SKAP1: variants seen among roughly 807,000 people sequenced by gnomAD.
SKAP1 encodes src kinase-associated phosphoprotein 1.
Under a neutral mutation model 58.5 loss-of-function variants are expected in SKAP1, and 44 were observed. That is an observed-to-expected ratio of 0.75 (90% CI 0.59 to 0.97). SKAP1 has a LOEUF of 0.97. Ranked by LOEUF, SKAP1 falls within the 50% of genes least tolerant of loss-of-function variation. The pLI is 0.00. For missense variants in SKAP1, 390 were observed against 435.2 expected (o/e 0.90, Z 0.92); for synonymous variants, 127 against 149.7 (o/e 0.85, Z 1.11).
intron 4 of SKAP1, among the ~76,000 whole-genome samples, chr17:48,205,780 G>T (rs1337755402): frequency 6.6e-6 from 1 of 152,200 alleles, no homozygotes; most frequent in Non-Finnish European, 1.5e-5. Flanking sequence ...AAGGGAAAAT[G>T]ATTTCCATTA....
At chr17:48,147,189 AAC>A (rs2143101681) in intron 11 of SKAP1, among the ~76,000 whole-genome samples, 1 of 152,310 alleles carries the variant, frequency 6.6e-6, no homozygotes, top group African/African-American at 2.4e-5. Context: ...TCTTCAAGAG[AAC>A]AGTCTATCAG....
intron 9 of SKAP1, among the ~76,000 whole-genome samples, chr17:48,173,292 T>C (rs568539424): frequency 3.9e-5 from 6 of 152,156 alleles, no homozygotes; most frequent in Non-Finnish European, 2.9e-5. Flanking sequence ...CTTATAGCCA[T>C]GTATGATCTA....
intron 3 of SKAP1, among the ~76,000 whole-genome samples, chr17:48,351,577 T>C (rs1414147427): frequency 1.3e-5 from 2 of 152,188 alleles, no homozygotes; most frequent in South Asian, 2.1e-4. Context: ...AAAGTTTCCA[T>C]TTATCATTCT....
At chr17:48,194,727 C>T (rs989594749) in intron 4 of SKAP1, among the ~76,000 whole-genome samples, 1 of 152,204 alleles carries the variant, frequency 6.6e-6, no homozygotes, top group Non-Finnish European at 1.5e-5. Context: ...AATCGTCCCC[C>T]TGTTAAGTTA....
At chr17:48,260,637 G>T (rs923216440) in intron 4 of SKAP1, among the ~76,000 whole-genome samples, 3 of 152,108 alleles carry the variant, frequency 2.0e-5, no homozygotes, top group African/African-American at 7.2e-5. Context: ...AGGGGTGTGT[G>T]TGTGTATCAA....
chr17:48,163,394 C>T (rs1280388142), intron 10 of SKAP1, among the ~76,000 whole-genome samples: 2 of 152,116 alleles, frequency 1.3e-5, no homozygotes, highest in South Asian at 2.1e-4. Flanking sequence ...GGACAGCCAT[C>T]GATTCTTAAC....
intron 4 of SKAP1, among the ~76,000 whole-genome samples, chr17:48,296,853 A>T (rs534668489): frequency 1.1e-4 from 16 of 152,244 alleles, no homozygotes; most frequent in Middle Eastern, 6.8e-3. Flanking sequence ...TTAGGAAAAA[A>T]AAAAGCACTA....
chr17:48,159,517 T>C (rs1008079309), intron 11 of SKAP1, among the ~76,000 whole-genome samples: 4 of 152,200 alleles, frequency 2.6e-5, no homozygotes, highest in African/African-American at 9.6e-5. Flanking sequence ...TTTCCGGGAC[T>C]AAATTCAACT....
chr17:48,264,611 C>T (rs907374384), intron 4 of SKAP1, among the ~76,000 whole-genome samples: 29 of 152,020 alleles, frequency 1.9e-4, no homozygotes, highest in Admixed American at 3.9e-4. Context: ...AGATACTGAA[C>T]TTTGCCAGGA....
At chr17:48,177,793 A>C (rs923234470) in intron 9 of SKAP1, among the ~76,000 whole-genome samples, 1 of 152,090 alleles carries the variant, frequency 6.6e-6, no homozygotes, top group Non-Finnish European at 1.5e-5. Context: ...CCCACCTCCA[A>C]CTCTGACTCT....
intron 4 of SKAP1, among the ~76,000 whole-genome samples, chr17:48,219,987 A>G (rs1160927883): frequency 2.6e-5 from 4 of 152,240 alleles, no homozygotes; most frequent in African/African-American, 7.2e-5. Context: ...GTTTATTTCA[A>G]TTGAAGAAAC....
intron 4 of SKAP1, among the ~76,000 whole-genome samples, chr17:48,344,440 C>G (rs1244591574): frequency 6.6e-6 from 1 of 152,068 alleles, no homozygotes; most frequent in Admixed American, 6.6e-5. Flanking sequence ...ACTTAGAGGC[C>G]TTTCTGGATT....
At chr17:48,312,967 T>G (rs2066240900) in intron 4 of SKAP1, among the ~76,000 whole-genome samples, 1 of 151,664 alleles carries the variant, frequency 6.6e-6, no homozygotes, top group African/African-American at 2.4e-5. Flanking sequence ...ATACCAGAGG[T>G]TTTCTTTCTG....
At chr17:48,278,585 G>T (rs1299551582) in intron 4 of SKAP1, among the ~76,000 whole-genome samples, 2 of 152,134 alleles carry the variant, frequency 1.3e-5, no homozygotes, top group African/African-American at 4.8e-5. Flanking sequence ...TGAATTTTGG[G>T]AAGTCAAGTT....
intron 4 of SKAP1, among the ~76,000 whole-genome samples, chr17:48,264,655 T>C (rs1011265290): frequency 2.0e-5 from 3 of 151,472 alleles, no homozygotes; most frequent in Admixed American, 1.3e-4. Flanking sequence ...AAAAGGAAAT[T>C]TAGGTAGAGG....
intron 4 of SKAP1, among the ~76,000 whole-genome samples, chr17:48,272,351 C>T (rs970244832): frequency 1.9e-4 from 29 of 151,768 alleles, no homozygotes; most frequent in African/African-American, 6.5e-4. Context: ...AGGCTGCTCT[C>T]GAACTCCTGA....
At chr17:48,261,419 T>C (rs1014809576) in intron 4 of SKAP1, among the ~76,000 whole-genome samples, 2 of 152,126 alleles carry the variant, frequency 1.3e-5, no homozygotes, top group African/African-American at 2.4e-5. Flanking sequence ...AGGGTTAGTT[T>C]GGTTGCTAGG....
chr17:48,197,939 T>G (rs1468313038), intron 4 of SKAP1, among the ~76,000 whole-genome samples: 2 of 152,140 alleles, frequency 1.3e-5, no homozygotes, highest in African/African-American at 4.8e-5. Flanking sequence ...TTATGAGAAA[T>G]GAAAGTGTCA....
intron 1 of SKAP1, 96 bp downstream of exon 1, chr17:48,429,979 G>T: frequency 9.5e-7 from 1 of 1,053,458 alleles, no homozygotes; most frequent in Non-Finnish European, 1.2e-6. Context: ...AAGGAGGTGA[G>T]TGACGAAGCC....
Sources: allele counts gnomAD v4.1 joint callset (sites outside exome capture counted in the v4.1 genomes callset), GRCh38; gene constraint gnomAD v4.1.1; transcripts MANE v1.5; gene names NCBI Gene and HGNC (gene_info 2026-07-23, HGNC 2026-07-21).